SRSF9: variants seen among roughly 807,000 people sequenced by gnomAD.
SRSF9 encodes the protein serine and arginine rich splicing factor 9.
SRSF9 carries 3 observed loss-of-function variants against 25.9 expected under a neutral mutation model. The observed-to-expected ratio is 0.12, with a 90% confidence interval of 0.05 to 0.30. SRSF9 has a LOEUF of 0.30. Ranked by LOEUF, SRSF9 falls within the 10% of genes least tolerant of loss-of-function variation. The pLI, the probability that SRSF9 is intolerant of heterozygous loss-of-function variation, is 1.00. For missense variants in SRSF9, 161 were observed against 303.5 expected, an observed-to-expected ratio of 0.53 and a Z score of 3.49; for synonymous variants, 114 against 113.2, an observed-to-expected ratio of 1.01 and a Z score of -0.05.
At chr12:120,468,913 C>A (rs928242833) in intron 1 of SRSF9, among the ~76,000 whole-genome samples, 11 of 152,154 alleles carry the variant, frequency 7.2e-5, no homozygotes, top group Non-Finnish European at 1.6e-4. Flanking sequence ...GGGCCCTGGC[C>A]TGCGGGGCGG....
Position 120,469,648 on chromosome 12 carries a change from T to TCGC in SRSF9, c.-42_-40dup, listed in dbSNP as rs767750305. On this transcript the variant is annotated 5_prime_UTR_variant, in exon 1 of 4. Coordinates refer to ENST00000229390, the MANE Select transcript of SRSF9 (RefSeq NM_003769.3). ...CGCCGCGGGCCCGCCGCAGCCCACG[T>TCGC]CGCCGCCGCCGCCTCAGCACGGGTC... The TCGC allele has an allele frequency of 3.4e-3, 4,150 of 1,236,858 alleles. 29 individuals are homozygous for TCGC. The highest frequency in any genetic ancestry group is 2.8e-3 in the Non-Finnish European group (2,771 of 985,784). The allele number at this position is 1,236,858 out of a possible 1,614,324, so 76.6% of individuals were successfully genotyped here. A position where few individuals can be genotyped will look rare whatever the true frequency, so the allele number is the denominator to read the frequency against.
intron 1 of SRSF9, 147 bp downstream of exon 1, chr12:120,469,275 T>A (rs1878572825): frequency 1.9e-6 from 1 of 524,050 alleles, no homozygotes; most frequent in Admixed American, 3.9e-5. Context: ...TGCCTCATCC[T>A]CCACCCGTGA....
intron 1 of SRSF9, among the ~76,000 whole-genome samples, chr12:120,467,303 A>T (rs1878501838): frequency 6.6e-6 from 1 of 152,136 alleles, no homozygotes; most frequent in Non-Finnish European, 1.5e-5. Flanking sequence ...GCTTGAGACC[A>T]GTCTGGGCAA....
In SRSF9 at chr12:120,465,680, C is replaced by G. The variant is rs755713912; in HGVS notation, c.296G>C (p.Gly99Ala). 20 of 1,602,196 alleles carry G rather than the reference C, an allele frequency of 1.2e-5. No homozygotes were observed. The highest frequency in any genetic ancestry group is 1.6e-5 in the Non-Finnish European group (19 of 1,176,256). The stretch of plus-strand genomic sequence containing the variant: ...TCTTGTAGGAGGCCCATTCCTCCCA[C>G]CACGGGGCCACCCACCCCGACCTCC... ...TYGGRGGWPR[G>A]GRNGPPTRRS... is the part of the protein sequence containing the mutation. Residue 99 changes from glycine (G) to alanine (A), a missense_variant, in exon 2 of 4, where the codon GGT (glycine) becomes GCT (alanine). By Grantham distance (60) the Gly-to-Ala change is moderately conservative (BLOSUM62 0). Coordinates refer to ENST00000229390, the MANE Select transcript of SRSF9 (RefSeq NM_003769.3).
intron 3 of SRSF9, chr12:120,463,643 G>A: frequency 9.6e-6 from 2 of 208,304 alleles, no homozygotes; most frequent in Admixed American, 5.5e-5. Flanking sequence ...TGTGAATGGG[G>A]TGGTATGAAG....
At chr12:120,462,575 G>A (rs1282914201) in intron 3 of SRSF9, 2 of 160,310 alleles carry the variant, frequency 1.2e-5, no homozygotes, top group Non-Finnish European at 2.7e-5. Context: ...GAAGGAGCTA[G>A]CCTGTATTTA....
At position 120,469,643 on chromosome 12, in the gene SRSF9, C is replaced by G; in HGVS notation, c.-34G>C. ...CCCGACGCCGCGGGCCCGCCGCAGC[C>G]CACGTCGCCGCCGCCGCCTCAGCAC... On this transcript the variant is annotated 5_prime_UTR_variant, in exon 1 of 4. Transcript: ENST00000229390. The G allele has an allele frequency of 8.0e-7, 1 of 1,257,630 alleles. No homozygotes were observed. The highest frequency in any genetic ancestry group is 1.0e-6 in the Non-Finnish European group (1 of 1,001,202). 77.9% of individuals were successfully genotyped at this position (1,257,630 alleles called of 1,614,324 possible).
chr12:120,469,717 G>A lies in SRSF9; in HGVS notation c.-108C>T. ...GGGCTCCGAGGCGCTCAGCCGCACT[G>A]CATTGTGGGAACGCGGAGCGGAAGC... On this transcript the variant is annotated 5_prime_UTR_variant, in exon 1 of 4. An upstream open reading frame in the 5' UTR gains an earlier in-frame stop. Coordinates refer to ENST00000229390, the MANE Select transcript of SRSF9 (RefSeq NM_003769.3). 1.6e-6 allele frequency: 1 copy of A among 629,246 alleles called. No homozygotes were observed. The highest frequency in any genetic ancestry group is 2.2e-6 in the Non-Finnish European group (1 of 459,542). 39.0% of individuals were successfully genotyped at this position (629,246 alleles called of 1,614,324 possible).
intron 3 of SRSF9, chr12:120,462,798 T>C (rs1717379308): frequency 1.3e-5 from 2 of 152,262 alleles, no homozygotes; most frequent in African/African-American, 4.8e-5. Flanking sequence ...TCAGCCACCA[T>C]TCTCAGAAGA....
intron 2 of SRSF9, 40 bp downstream of exon 2, chr12:120,465,587 T>C: frequency 6.5e-7 from 1 of 1,547,130 alleles, no homozygotes. Context: ...GTGTTAAGTA[T>C]TTTACATGTA....
chr12:120,469,376 G>A lies in SRSF9; in HGVS notation c.188+46C>T, dbSNP rs773637302. 4 of 1,486,974 alleles carry A rather than the reference G, an allele frequency of 2.7e-6. No homozygotes were observed. In the East Asian group the frequency reaches 8.1e-5, roughly 30 times the overall value. The allele number at this position is 1,486,974 out of a possible 1,614,324, so 92.1% of individuals were successfully genotyped here. On this transcript the variant is annotated intron_variant, in intron 1 of 3. Coordinates refer to ENST00000229390, the MANE Select transcript of SRSF9 (RefSeq NM_003769.3). ...GGGAGGGGACAGCAGGGAAGGCGGG[G>A]GCCTCAGGCACCGAGGAGGAGAGGG...
At position 120,461,871 on chromosome 12, in the gene SRSF9, T is replaced by A; in HGVS notation, c.*148A>T. The A allele has an allele frequency of 1.2e-6, 1 of 842,656 alleles. No individual in the cohort carries two copies. The highest frequency in any genetic ancestry group is 1.7e-6 in the Non-Finnish European group (1 of 597,596). 52.2% of individuals were successfully genotyped at this position (842,656 alleles called of 1,614,324 possible). A position where few individuals can be genotyped will look rare whatever the true frequency, so the allele number is the denominator to read the frequency against. On this transcript the variant is annotated 3_prime_UTR_variant, in exon 4 of 4. Transcript: ENST00000229390. ...TGTTTCACTGCTAATATGGCCCTGGTAGAAATTATGTAGTTTTTTTTCTTC... is the reference window on the plus strand; with the variant it reads ...TGTTTCACTGCTAATATGGCCCTGGAAGAAATTATGTAGTTTTTTTTCTTC...
At chr12:120,464,434 A>G (rs1284899088) in intron 2 of SRSF9, 2 of 223,158 alleles carry the variant, frequency 9.0e-6, no homozygotes, top group African/African-American at 4.5e-5. Flanking sequence ...TTTAAAATCA[A>G]TGCCAAACTC....
In SRSF9 at chr12:120,461,986, T is replaced by TA. The variant is rs758963911; in HGVS notation, c.*32dup. 1 of 1,578,496 alleles carries TA rather than the reference T, an allele frequency of 6.3e-7. No homozygotes were observed. The highest frequency in any genetic ancestry group is 1.2e-5 in the South Asian group (1 of 86,242). On this transcript the variant is annotated 3_prime_UTR_variant, in exon 4 of 4. Transcript: ENST00000229390. ...TGAGCACAAAGCAGCTCAGTTAACC[T>TA]AAAAAATAAAGAAAAAATTCCCATC...
At position 120,469,652 on chromosome 12, in the gene SRSF9, C is replaced by T. The variant is rs898881682; in HGVS notation, c.-43G>A. ...GCGGGCCCGCCGCAGCCCACGTCGC[C>T]GCCGCCGCCTCAGCACGGGTCCCCC... On this transcript the variant is annotated 5_prime_UTR_variant, in exon 1 of 4. Coordinates refer to ENST00000229390, the MANE Select transcript of SRSF9 (RefSeq NM_003769.3). The T allele has an allele frequency of 9.0e-6, 11 of 1,223,014 alleles. 1 individual carries two copies. Among genetic ancestry groups the T allele is most frequent in the Non-Finnish European group, 1.1e-5 (11 of 974,762 alleles). The allele number at this position is 1,223,014 out of a possible 1,614,324, so 75.8% of individuals were successfully genotyped here.
chr12:120,462,656 G>A (rs1878383160), intron 3 of SRSF9: 1 of 152,608 alleles, frequency 6.6e-6, no homozygotes, highest in Admixed American at 6.5e-5. Context: ...TTCCTGGCAA[G>A]TCTTGTGATG....
intron 1 of SRSF9, 102 bp downstream of exon 1, chr12:120,469,320 G>A: frequency 6.8e-6 from 5 of 738,994 alleles, no homozygotes; most frequent in Non-Finnish European, 1.0e-5. Flanking sequence ...GGAGGCGGGG[G>A]GAGGGGAGGC....
At chr12:120,464,559 A>G (rs1221728225) in intron 2 of SRSF9, 2 of 154,824 alleles carry the variant, frequency 1.3e-5, no homozygotes, top group Non-Finnish European at 2.9e-5. Flanking sequence ...GAAATAACCA[A>G]AGAGTAGCTG....
rs1311174016 is a variant in SRSF9, at chr12:120,469,671, G to A, written c.-62C>T. The A allele has an allele frequency of 1.0e-5, 11 of 1,100,526 alleles. No individual in the cohort carries two copies. The highest frequency in any genetic ancestry group is 4.3e-5 in the South Asian group (1 of 23,308). 68.2% of individuals were successfully genotyped at this position (1,100,526 alleles called of 1,614,324 possible). ...CGTCGCCGCCGCCGCCTCAGCACGG[G>A]TCCCCCCGCAGCGTCCCCGCGGGCT... On this transcript the variant is annotated 5_prime_UTR_variant, in exon 1 of 4. Transcript: ENST00000229390.
Sources: allele counts gnomAD v4.1 joint callset (sites outside exome capture counted in the v4.1 genomes callset), GRCh38; gene constraint gnomAD v4.1.1; transcripts MANE v1.5; gene names NCBI Gene and HGNC (gene_info 2026-07-23, HGNC 2026-07-21).